The following SPAG16 variants were observed in gnomAD, a reference collection of about 807,000 sequenced individuals.
SPAG16 encodes the protein sperm-associated antigen 16 protein.
SPAG16 carries 86 observed loss-of-function variants against 80.4 expected under a neutral mutation model. The observed-to-expected ratio is 1.07, with a 90% CI of 0.90 to 1.28. The LOEUF (loss-of-function observed/expected upper bound fraction) is 1.28, where lower values mean the gene tolerates loss of function less well. Ranked by LOEUF, SPAG16 falls within the 50% of genes most tolerant of loss-of-function variation. SPAG16 has a pLI of 0.00. For synonymous variants in SPAG16, 294 were observed against 265.9 expected, an observed-to-expected ratio of 1.11 and a Z score of -1.03; for missense variants, 870 against 765.3, an observed-to-expected ratio of 1.14 and a Z score of -1.61.
At chr2:213,356,871 C>G (rs2065687806) in intron 7 of SPAG16, among the ~76,000 whole-genome samples, 1 of 152,146 alleles carries the variant, frequency 6.6e-6, no homozygotes, top group Non-Finnish European at 1.5e-5. Context: ...TTCCTGCTTT[C>G]TCTTGCGGGT....
At chr2:213,844,400 C>T (rs1308545450) in intron 10 of SPAG16, among the ~76,000 whole-genome samples, 1 of 152,122 alleles carries the variant, frequency 6.6e-6, no homozygotes, top group South Asian at 2.1e-4. Flanking sequence ...ACAGTGATTT[C>T]GGTTATCTAG....
intron 9 of SPAG16, among the ~76,000 whole-genome samples, chr2:213,458,616 A>G (rs2072179300): frequency 6.6e-6 from 1 of 152,158 alleles, no homozygotes. Flanking sequence ...CCTATTCACA[A>G]CACATTATTT....
chr2:213,700,074 A>T (rs1198122317), intron 10 of SPAG16, among the ~76,000 whole-genome samples: 1 of 152,208 alleles, frequency 6.6e-6, no homozygotes, highest in African/African-American at 2.4e-5. Context: ...GTAATATATT[A>T]TCATATGTAA....
intron 11 of SPAG16, among the ~76,000 whole-genome samples, chr2:213,870,458 C>T (rs775307713): frequency 1.3e-4 from 20 of 152,166 alleles, no homozygotes; most frequent in South Asian, 2.1e-4. Flanking sequence ...ACTGCCCAAG[C>T]GCTTTCCTCC....
intron 1 of SPAG16, among the ~76,000 whole-genome samples, chr2:213,292,479 A>C (rs2062317097): frequency 6.6e-6 from 1 of 151,510 alleles, no homozygotes; most frequent in African/African-American, 2.4e-5. Context: ...CCCGGCTAAA[A>C]CGGTGAAACC....
intron 15 of SPAG16, among the ~76,000 whole-genome samples, chr2:214,201,828 C>A (rs2058017605): frequency 6.6e-6 from 1 of 151,950 alleles, no homozygotes; most frequent in South Asian, 2.1e-4. Flanking sequence ...CTTTTCTTTT[C>A]TTTTCCTTTC....
At chr2:213,803,694 C>T (rs903388619) in intron 10 of SPAG16, among the ~76,000 whole-genome samples, 6 of 152,142 alleles carry the variant, frequency 3.9e-5, no homozygotes, top group Non-Finnish European at 7.4e-5. Context: ...AAATTTTACT[C>T]TGTTTTTCAG....
intron 12 of SPAG16, among the ~76,000 whole-genome samples, chr2:213,992,242 C>T (rs1360548030): frequency 2.0e-5 from 3 of 152,042 alleles, no homozygotes; most frequent in South Asian, 2.1e-4. Flanking sequence ...AGAACCTTAC[C>T]GAGAATTGTT....
At chr2:213,538,005 G>GT (rs759025927) in intron 10 of SPAG16, among the ~76,000 whole-genome samples, 4 of 152,120 alleles carry the variant, frequency 2.6e-5, no homozygotes, top group Non-Finnish European at 5.9e-5. Context: ...AGTACTGACA[G>GT]TATCAAAAGA....
intron 13 of SPAG16, among the ~76,000 whole-genome samples, chr2:214,021,342 T>C (rs1438434799): frequency 1.3e-5 from 2 of 152,144 alleles, no homozygotes; most frequent in East Asian, 3.8e-4. Context: ...AAGAATGAAG[T>C]TTATTGGACT....
intron 11 of SPAG16, among the ~76,000 whole-genome samples, chr2:213,899,058 G>T (rs1182499023): frequency 6.6e-6 from 1 of 152,060 alleles, no homozygotes; most frequent in East Asian, 1.9e-4. Context: ...TTCTTACCAA[G>T]ACTTGAAGGG....
intron 12 of SPAG16, among the ~76,000 whole-genome samples, chr2:213,942,636 T>G (rs1337530925): frequency 4.6e-5 from 7 of 152,164 alleles, no homozygotes; most frequent in Admixed American, 4.6e-4. Flanking sequence ...TGATATCTTA[T>G]TTTCCACATA....
Position 213,942,892 on chromosome 2 carries a change from T to A in SPAG16, c.1400+12747T>A, listed in dbSNP as rs1193586181. On this transcript the variant is annotated intron_variant, in intron 12 of 15. Coordinates refer to ENST00000331683, the MANE Select transcript of SPAG16 (RefSeq NM_024532.5). ...CCTAAATCTCCCATGTGATGATATTTGAAGGTGAGGCCTTTGGGAATTAAT... is the reference window on the plus strand; with the variant it reads ...CCTAAATCTCCCATGTGATGATATTAGAAGGTGAGGCCTTTGGGAATTAAT... Among the ~76,000 whole-genome samples, 3 of 152,298 alleles carry A rather than the reference T, an allele frequency of 2.0e-5. No homozygotes were observed. In the East Asian group the frequency reaches 5.8e-4, roughly 29 times the overall value.
chr2:214,276,145 T>A (rs2125903935), intron 15 of SPAG16, among the ~76,000 whole-genome samples: 1 of 152,330 alleles, frequency 6.6e-6, no homozygotes, highest in African/African-American at 2.4e-5. Context: ...TCCATTTGCT[T>A]GGTAGATCTT....
At chr2:213,861,043 C>T (rs1433975725) in intron 10 of SPAG16, among the ~76,000 whole-genome samples, 1 of 152,070 alleles carries the variant, frequency 6.6e-6, no homozygotes, top group Non-Finnish European at 1.5e-5. Flanking sequence ...TTGAATTGGC[C>T]TTCTGAAAGT....
intron 15 of SPAG16, among the ~76,000 whole-genome samples, chr2:214,322,509 C>CAAAA (rs34616486): frequency 7.3e-6 from 1 of 136,840 alleles, no homozygotes. Context: ...TCACCTTAGG[C>CAAAA]AAAAAAAAAA....
At chr2:214,092,850 T>C (rs957280832) in intron 13 of SPAG16, among the ~76,000 whole-genome samples, 3 of 152,018 alleles carry the variant, frequency 2.0e-5, no homozygotes, top group African/African-American at 7.2e-5. Context: ...ACCTGGCCTT[T>C]TCTATGTACT....
At chr2:213,284,813 GC>G in intron 1 of SPAG16, 194 bp downstream of exon 1, 1 of 761,850 alleles carries the variant, frequency 1.3e-6, no homozygotes, top group Non-Finnish European at 2.0e-6. Flanking sequence ...GCCCTTAGTA[GC>G]CCAGGGTGTC....
At chr2:213,473,100 G>A (rs920771049) in intron 9 of SPAG16, among the ~76,000 whole-genome samples, 21 of 152,104 alleles carry the variant, frequency 1.4e-4, no homozygotes, top group African/African-American at 2.2e-4. Context: ...TCCCTTCTAC[G>A]TAGAAGTTTT....
Sources: allele counts gnomAD v4.1 joint callset (sites outside exome capture counted in the v4.1 genomes callset), GRCh38; gene constraint gnomAD v4.1.1; transcripts MANE v1.5; gene names NCBI Gene and HGNC (gene_info 2026-07-23, HGNC 2026-07-21).